Variants in DAGLA observed in about 807,000 individuals in gnomAD.
DAGLA encodes the protein diacylglycerol lipase alpha, also known as diacylglycerol lipase-alpha.
In DAGLA, 22 loss-of-function variants were observed where a neutral mutation model predicts 102.6. That is an observed-to-expected ratio of 0.21 (90% CI 0.15 to 0.31). DAGLA has a LOEUF of 0.31. Among genes scored for constraint, DAGLA ranks in the 10% least tolerant of loss-of-function variants. DAGLA has a pLI of 1.00. For missense variants in DAGLA, 927 were observed against 1,446.6 expected, an observed-to-expected ratio of 0.64 and a Z score of 5.83; for synonymous variants, 578 against 628.9, an observed-to-expected ratio of 0.92 and a Z score of 1.21.
chr11:61,732,238 T>C (rs940332158), intron 9 of DAGLA, among the ~76,000 whole-genome samples: 2 of 152,152 alleles, frequency 1.3e-5, no homozygotes, highest in Admixed American at 1.3e-4. Context: ...TTGACACCCC[T>C]GCCCTTGGGA....
intron 1 of DAGLA, among the ~76,000 whole-genome samples, chr11:61,709,337 C>T (rs990161990): frequency 1.1e-4 from 17 of 152,176 alleles, no homozygotes; most frequent in Non-Finnish European, 1.6e-4. Context: ...CTCCACCTCC[C>T]GGTTCAAGCA....
chr11:61,702,024 C>T (rs966398135), intron 1 of DAGLA, among the ~76,000 whole-genome samples: 4 of 152,066 alleles, frequency 2.6e-5, no homozygotes, highest in African/African-American at 7.2e-5. Flanking sequence ...AATTCTCCTG[C>T]GTCAGCTGCC....
intron 1 of DAGLA, among the ~76,000 whole-genome samples, chr11:61,711,326 G>A (rs2065192802): frequency 6.6e-6 from 1 of 152,238 alleles, no homozygotes; most frequent in Non-Finnish European, 1.5e-5. Context: ...CAGAGGGGAT[G>A]TGGACGTGTG....
intron 19 of DAGLA, among the ~76,000 whole-genome samples, chr11:61,742,639 T>C (rs953170564): frequency 3.3e-5 from 5 of 152,144 alleles, no homozygotes; most frequent in Non-Finnish European, 7.4e-5. Context: ...GAGACCCGGA[T>C]GAGGAAGGAA....
intron 9 of DAGLA, among the ~76,000 whole-genome samples, chr11:61,733,878 G>A (rs1329082376): frequency 6.6e-6 from 1 of 152,100 alleles, no homozygotes; most frequent in Admixed American, 6.5e-5. Flanking sequence ...AGCCCTGGCT[G>A]TTAGATGAGG....
At position 61,737,695 on chromosome 11, in the gene DAGLA, C is replaced by T; in HGVS notation, c.1523C>T (p.Ala508Val). The T allele has an allele frequency of 6.2e-7, 1 of 1,613,974 alleles. No homozygotes were observed. The highest frequency in any genetic ancestry group is 8.5e-7 in the Non-Finnish European group (1 of 1,179,874). Reference protein sequence around the residue: ...SPPGGLLSEDAMEYSKEFVTA... With the variant: ...SPPGGLLSEDVMEYSKEFVTA... ...TTCGGCTTCCCTTGCAGTGAGGATG[C>T]GATGGAGTATTCCAAGGAGTTCGTG... Residue 508 changes from alanine to valine, a missense_variant, in exon 15 of 20, where the codon GCG (alanine) becomes GTG (valine). Ala to Val is a moderately conservative substitution (Grantham distance 64, BLOSUM62 0). Around this residue, in one of 4 missense-constraint regions of DAGLA, gnomAD observed 218 missense variants for 459.6 expected, o/e 0.47. Transcript: ENST00000257215.
intron 6 of DAGLA, among the ~76,000 whole-genome samples, chr11:61,727,354 CCTTGATTTAGTCA>C (rs2065337053): frequency 6.6e-6 from 1 of 152,236 alleles, no homozygotes; most frequent in Non-Finnish European, 1.5e-5. Context: ...AATTTGCAGC[CCTTGATTTAGTCA>C]CTTACAAGTG....
chr11:61,719,521 C>T (rs1346131599), intron 1 of DAGLA, among the ~76,000 whole-genome samples: 4 of 152,238 alleles, frequency 2.6e-5, no homozygotes, highest in Admixed American at 2.6e-4. Context: ...AAACTGAAGC[C>T]TTCATTCAAG....
At chr11:61,688,668 G>A (rs1234381052) in intron 1 of DAGLA, among the ~76,000 whole-genome samples, 1 of 152,212 alleles carries the variant, frequency 6.6e-6, no homozygotes, top group African/African-American at 2.4e-5. Flanking sequence ...TCTGGGCCCT[G>A]CTTCCTCTCC....
intron 16 of DAGLA, 49 bp from the exon 17 acceptor site, chr11:61,739,416 C>A: frequency 1.3e-6 from 2 of 1,565,344 alleles, no homozygotes; most frequent in Non-Finnish European, 8.7e-7. Context: ...TGCCCCCCAG[C>A]CAGTGCTACT....
At chr11:61,735,979 T>TGCGACCCCACTGCC (rs2065419971) in intron 12 of DAGLA, among the ~76,000 whole-genome samples, 163 bp downstream of exon 12, 2 of 152,140 alleles carry the variant, frequency 1.3e-5, no homozygotes, top group African/African-American at 4.8e-5. Context: ...GGCCCACTGC[T>TGCGACCCCACTGCC]GCGACCCCAC....
At chr11:61,697,309 G>A (rs1250106784) in intron 1 of DAGLA, among the ~76,000 whole-genome samples, 1 of 152,198 alleles carries the variant, frequency 6.6e-6, no homozygotes, top group Non-Finnish European at 1.5e-5. Context: ...GTGGTCAGGA[G>A]CATAGAAGCC....
chr11:61,707,846 G>A (rs1219930762), intron 1 of DAGLA, among the ~76,000 whole-genome samples: 3 of 152,182 alleles, frequency 2.0e-5, no homozygotes, highest in Non-Finnish European at 2.9e-5. Context: ...CAAGGTGGAG[G>A]GTATGGGTGC....
At chr11:61,709,942 C>T (rs569956084) in intron 1 of DAGLA, among the ~76,000 whole-genome samples, 5 of 152,248 alleles carry the variant, frequency 3.3e-5, no homozygotes, top group African/African-American at 4.8e-5. Flanking sequence ...CAGCAGGCAC[C>T]CACACCAGCC....
intron 1 of DAGLA, among the ~76,000 whole-genome samples, chr11:61,681,737 C>G (rs1266173186): frequency 6.6e-6 from 1 of 152,134 alleles, no homozygotes; most frequent in African/African-American, 2.4e-5. Flanking sequence ...AATTCCTTTC[C>G]AAGGGCTCTG....
chr11:61,741,097 C>G, intron 18 of DAGLA, 65 bp from the exon 19 acceptor site: 1 of 1,468,336 alleles, frequency 6.8e-7, no homozygotes, highest in East Asian at 2.3e-5. Context: ...CCTGGCTCCA[C>G]ATCGGCCCCA....
At chr11:61,712,610 A>G (rs1343149706) in intron 1 of DAGLA, among the ~76,000 whole-genome samples, 1 of 152,156 alleles carries the variant, frequency 6.6e-6, no homozygotes, top group Non-Finnish European at 1.5e-5. Flanking sequence ...CTGATGTGTG[A>G]AAAGCGACAG....
At chr11:61,737,599 A>G in intron 14 of DAGLA, 88 bp from the exon 15 acceptor site, 1 of 1,299,170 alleles carries the variant, frequency 7.7e-7, no homozygotes, top group South Asian at 1.2e-5. Flanking sequence ...GTGCAGGAGC[A>G]GGGCTTGCTT....
chr11:61,706,920 G>A (rs554360924), intron 1 of DAGLA, among the ~76,000 whole-genome samples: 1 of 152,380 alleles, frequency 6.6e-6, no homozygotes, highest in East Asian at 1.9e-4. Flanking sequence ...CATCCCATTA[G>A]CACTGCTGGT....
Sources: allele counts gnomAD v4.1 joint callset (sites outside exome capture counted in the v4.1 genomes callset), GRCh38; gene constraint gnomAD v4.1.1; regional missense constraint gnomAD v4.1.1; transcripts MANE v1.5; gene names NCBI Gene and HGNC (gene_info 2026-07-23, HGNC 2026-07-21).